CCDC146: variants seen among roughly 807,000 people sequenced by gnomAD.
CCDC146 encodes coiled-coil domain containing 146.
A neutral mutation model predicts 119.3 loss-of-function variants in CCDC146; 92 were observed. That is an observed-to-expected ratio of 0.77 (90% CI 0.65 to 0.92). The LOEUF is 0.92. CCDC146 is among the 40% of genes least tolerant of loss of function. The pLI, the probability that CCDC146 is intolerant of heterozygous loss-of-function variation, is 0.00. For synonymous variants in CCDC146, 372 were observed against 371.8 expected, an observed-to-expected ratio of 1.00 and a Z score of -0.01; for missense variants, 1,000 against 1,103.0, an observed-to-expected ratio of 0.91 and a Z score of 1.32.
Position 77,188,908 on chromosome 7 carries a change from G to A in CCDC146, c.156+21084G>A, listed in dbSNP as rs558387193. ...GACATCATTACAGGGTGGATGGGTG[G>A]GATGCAACTGTGCTGGCTCCTCCTC... On this transcript the variant is annotated intron_variant, in intron 2 of 18. Coordinates refer to ENST00000285871, the MANE Select transcript of CCDC146 (RefSeq NM_020879.3). 8.5e-5 allele frequency among the ~76,000 whole-genome samples: 13 copies of A among 152,230 alleles called. No individual in the cohort carries two copies. The South Asian group carries it at 2.7e-3, about 32-fold the overall frequency.
rs1429477872 is a variant in CCDC146, at chr7:77,273,743, A to T, written c.1223A>T (p.Glu408Val). 1.2e-6 allele frequency: 2 copies of T among 1,610,644 alleles called. No individual in the cohort carries two copies. The highest frequency in any genetic ancestry group is 1.7e-6 in the Non-Finnish European group (2 of 1,177,766). ...DDSTLSERRR[E>V]LHKEVEVAKR... Reference sequence around the variant, plus strand: ...TCTACATTATCTGAGAGAAGGCGAGAGCTTCACAAGGAAGTTGAAGTAGCT... The same window carrying T: ...TCTACATTATCTGAGAGAAGGCGAGTGCTTCACAAGGAAGTTGAAGTAGCT... Residue 408 changes from glutamate to valine, a missense_variant, in exon 10 of 19, where the codon GAG (glutamate) becomes GTG (valine). By Grantham distance (121) the Glu-to-Val change is moderately radical (BLOSUM62 -2). This residue lies in a region of CCDC146 where 985 missense variants were observed against 1,045.3 expected (regional missense o/e 0.94). Coordinates refer to ENST00000285871, the MANE Select transcript of CCDC146 (RefSeq NM_020879.3).
At chr7:77,183,910 A>G (rs1342267063) in intron 2 of CCDC146, among the ~76,000 whole-genome samples, 5 of 152,196 alleles carry the variant, frequency 3.3e-5, no homozygotes, top group Non-Finnish European at 7.3e-5. Flanking sequence ...GTAATTAGTA[A>G]AGTCTCTCGC....
chr7:77,292,892 G>A (rs1341004443), intron 17 of CCDC146, 60 bp from the exon 18 acceptor site: 6 of 1,540,018 alleles, frequency 3.9e-6, no homozygotes, highest in Admixed American at 2.1e-5. Flanking sequence ...CCAGCAGCCT[G>A]CCATTTTAAG....
At position 77,144,770 on chromosome 7, in the gene CCDC146, C is replaced by G. The variant is rs546623829; in HGVS notation, c.-12+22038C>G. On this transcript the variant is annotated intron_variant, in intron 1 of 18. Transcript: ENST00000285871. Reference sequence around the variant, plus strand: ...CCTTGCATTCCAGGGATGAAGTCCACTTGATCATGGTGGATAAGCTTTTTG... The same window carrying G: ...CCTTGCATTCCAGGGATGAAGTCCAGTTGATCATGGTGGATAAGCTTTTTG... Among the ~76,000 whole-genome samples, 75 of 151,916 alleles carry G rather than the reference C, an allele frequency of 4.9e-4. 1 individual carries two copies. The highest frequency in any genetic ancestry group is 1.7e-3 in the African/African-American group (70 of 41,232).
chr7:77,206,301 ATCTG>A (rs1176347337), intron 2 of CCDC146, among the ~76,000 whole-genome samples: 3 of 152,076 alleles, frequency 2.0e-5, no homozygotes, highest in Non-Finnish European at 2.9e-5. Flanking sequence ...GGTTTTGTTT[ATCTG>A]TCTTTCTTTG....
At position 77,225,404 on chromosome 7, in the gene CCDC146, C is replaced by A. The variant is rs1316403238; in HGVS notation, c.157-11543C>A. Among the ~76,000 whole-genome samples, 3 of 151,764 alleles carry A rather than the reference C, an allele frequency of 2.0e-5. No homozygotes were observed. The South Asian group carries it at 6.2e-4, about 32-fold the overall frequency. On this transcript the variant is annotated intron_variant, in intron 2 of 18. Transcript: ENST00000285871. Reference sequence around the variant, plus strand: ...TCTCTACAAAACATTTTAAGAAAACCTAGCGGGGCATGGTGATGCACACCT... The same window carrying A: ...TCTCTACAAAACATTTTAAGAAAACATAGCGGGGCATGGTGATGCACACCT...
intron 2 of CCDC146, among the ~76,000 whole-genome samples, chr7:77,212,273 C>T (rs967461846): frequency 2.0e-5 from 3 of 152,058 alleles, no homozygotes; most frequent in East Asian, 1.9e-4. Context: ...AAATATATAG[C>T]TTTCCTATTA....
At chr7:77,225,668 C>A (rs1188575144) in intron 2 of CCDC146, among the ~76,000 whole-genome samples, 1 of 152,064 alleles carries the variant, frequency 6.6e-6, no homozygotes, top group Non-Finnish European at 1.5e-5. Flanking sequence ...TAGGGCCGTG[C>A]GTGGTGGCTC....
chr7:77,221,841 C>T (rs1414950294), intron 2 of CCDC146, among the ~76,000 whole-genome samples: 2 of 152,148 alleles, frequency 1.3e-5, no homozygotes, highest in Non-Finnish European at 2.9e-5. Context: ...ATCAAGTGAA[C>T]AAAAGAGCCA....
At chr7:77,144,823 A>T (rs1328650834) in intron 1 of CCDC146, among the ~76,000 whole-genome samples, 1 of 151,600 alleles carries the variant, frequency 6.6e-6, no homozygotes, top group Non-Finnish European at 1.5e-5. Flanking sequence ...GTTTGCCCGT[A>T]TTTTATTGAG....
chr7:77,238,581 T>A (rs911613887), intron 3 of CCDC146, among the ~76,000 whole-genome samples: 2 of 152,132 alleles, frequency 1.3e-5, no homozygotes, highest in Admixed American at 6.5e-5. Context: ...CACACCCAGC[T>A]AATTTTTTTG....
At chr7:77,180,661 G>GGGA (rs572764339) in intron 2 of CCDC146, among the ~76,000 whole-genome samples, 192 of 152,240 alleles carry the variant, frequency 1.3e-3, no homozygotes, top group South Asian at 5.6e-3. Flanking sequence ...TCACTCTACT[G>GGGA]CATTCCAGTC....
intron 2 of CCDC146, among the ~76,000 whole-genome samples, chr7:77,168,589 T>G (rs1791373714): frequency 6.6e-6 from 1 of 152,060 alleles, no homozygotes; most frequent in African/African-American, 2.4e-5. Flanking sequence ...TGGAACAGAA[T>G]GCAATAAAAA....
chr7:77,230,783 CTTTAAG>C (rs1283525684), intron 2 of CCDC146, among the ~76,000 whole-genome samples: 1 of 152,062 alleles, frequency 6.6e-6, no homozygotes, highest in Non-Finnish European at 1.5e-5. Context: ...TTTTTTATTT[CTTTAAG>C]TTTGTTTTCT....
intron 2 of CCDC146, among the ~76,000 whole-genome samples, chr7:77,226,677 C>G (rs963179556): frequency 3.3e-5 from 5 of 152,214 alleles, no homozygotes; most frequent in Non-Finnish European, 7.3e-5. Flanking sequence ...GACATTATAT[C>G]TAACCTTTCA....
chr7:77,293,215 C>CT lies in CCDC146; in HGVS notation c.2664+16dup. On this transcript the variant is annotated intron_variant, in intron 18 of 18. Coordinates refer to ENST00000285871, the MANE Select transcript of CCDC146 (RefSeq NM_020879.3). ...AAAAGTCTCAGGTAGGCTTTGGCTC[C>CT]TGTATTGCATTTCTAAAGGGTGCCA... 2 of 1,612,058 alleles carry CT rather than the reference C, an allele frequency of 1.2e-6. No homozygotes were observed. The highest frequency in any genetic ancestry group is 1.7e-6 in the Non-Finnish European group (2 of 1,179,556).
At chr7:77,152,839 A>T (rs188958061) in intron 1 of CCDC146, among the ~76,000 whole-genome samples, 2 of 152,330 alleles carry the variant, frequency 1.3e-5, no homozygotes, top group South Asian at 2.1e-4. Flanking sequence ...TATGTATGAA[A>T]TAAAAAGAAC....
chr7:77,179,873 C>T (rs1045688668), intron 2 of CCDC146, among the ~76,000 whole-genome samples: 1 of 152,158 alleles, frequency 6.6e-6, no homozygotes, highest in Non-Finnish European at 1.5e-5. Context: ...CCCCTTTTCT[C>T]CTACTTTGTT....
At position 77,192,751 on chromosome 7, in the gene CCDC146, C is replaced by T. The variant is rs184980807; in HGVS notation, c.156+24927C>T. Reference sequence around the variant, plus strand: ...CATCCTGGCTAACATGGTGAAACCCCGTCTCTACTAAAAATACAAAAATTA... The same window carrying T: ...CATCCTGGCTAACATGGTGAAACCCTGTCTCTACTAAAAATACAAAAATTA... On this transcript the variant is annotated intron_variant, in intron 2 of 18. Transcript: ENST00000285871. 9.9e-5 allele frequency among the ~76,000 whole-genome samples: 15 copies of T among 151,944 alleles called. No individual in the cohort carries two copies. The East Asian group carries it at 2.5e-3, about 26-fold the overall frequency.
Sources: allele counts gnomAD v4.1 joint callset (sites outside exome capture counted in the v4.1 genomes callset), GRCh38; gene constraint gnomAD v4.1.1; regional missense constraint gnomAD v4.1.1; transcripts MANE v1.5; gene names NCBI Gene and HGNC (gene_info 2026-07-23, HGNC 2026-07-21).